Variants in GPX3 observed in about 807,000 individuals in gnomAD.
The protein encoded by GPX3 is glutathione peroxidase 3, also known as GPx-3.
GPX3 carries 22 observed loss-of-function variants against 25.1 expected under a neutral mutation model. The ratio of observed to expected loss-of-function variants is 0.88; its 90% confidence interval spans 0.63 to 1.25. The LOEUF (loss-of-function observed/expected upper bound fraction) is 1.25, where lower values mean the gene tolerates loss of function less well. GPX3 is among the 50% of genes most tolerant of loss of function. GPX3 has a pLI of 0.00. For missense variants in GPX3, 278 were observed against 286.6 expected (o/e 0.97, Z 0.22); for synonymous variants, 110 against 114.5 (o/e 0.96, Z 0.25).
intron 2 of GPX3, 88 bp downstream of exon 2, chr5:151,025,581 G>A (rs1483759980): frequency 9.2e-6 from 11 of 1,193,750 alleles, no homozygotes; most frequent in Non-Finnish European, 1.3e-5. Context: ...GGGGGAAAGG[G>A]TGATGGCAAT....
chr5:151,023,836 AC>A (rs1191127137), intron 1 of GPX3, among the ~76,000 whole-genome samples: 1 of 152,064 alleles, frequency 6.6e-6, no homozygotes, highest in Non-Finnish European at 1.5e-5. Context: ...GGAATATTAG[AC>A]TCATGTAAAG....
chr5:151,026,016 A>G (rs1356610531), intron 2 of GPX3, among the ~76,000 whole-genome samples: 2 of 151,918 alleles, frequency 1.3e-5, no homozygotes, highest in Non-Finnish European at 2.9e-5. Context: ...CCTCTTCTCA[A>G]TCTACACATG....
Position 151,025,451 on chromosome 5 carries a change from G to C in GPX3, c.199G>C (p.Val67Leu). ...KQYAGKYVLF[V>L]NVASYUGLTG... ...GTATGCTGGCAAATACGTCCTCTTTGTCAACGTGGCCAGCTACTGAGGCCT... is the reference window on the plus strand; with the variant it reads ...GTATGCTGGCAAATACGTCCTCTTTCTCAACGTGGCCAGCTACTGAGGCCT... Residue 67 changes from valine to leucine, a missense_variant, in exon 2 of 5, where the codon GTC (valine) becomes CTC (leucine). Physicochemically the swap from Val to Leu is conservative, Grantham distance 32. Coordinates refer to ENST00000388825, the MANE Select transcript of GPX3 (RefSeq NM_002084.5). 6.2e-7 allele frequency: 1 copy of C among 1,612,270 alleles called. No homozygotes were observed. Among genetic ancestry groups the C allele is most frequent in the Non-Finnish European group, 8.5e-7 (1 of 1,179,180 alleles).
At chr5:151,022,443 A>T (rs1431695525) in intron 1 of GPX3, among the ~76,000 whole-genome samples, 1 of 152,192 alleles carries the variant, frequency 6.6e-6, no homozygotes, top group Non-Finnish European at 1.5e-5. Flanking sequence ...CTTGCTGGCT[A>T]ATGAAAGCCT....
chr5:151,020,628 C>A lies in GPX3; in HGVS notation c.-27C>A, dbSNP rs564914035. 6.4e-5 allele frequency: 101 copies of A among 1,581,316 alleles called. No individual in the cohort carries two copies. The South Asian group carries it at 1.0e-3, about 16-fold the overall frequency. On this transcript the variant is annotated 5_prime_UTR_variant, in exon 1 of 5. Transcript: ENST00000388825. The stretch of plus-strand genomic sequence containing the variant: ...GCCAGGGATCAGGCAGCGGCTCAGG[C>A]GACCCTGAGTGTGCCCCCACCCCGC...
At chr5:151,025,601 C>T (rs1487326995) in intron 2 of GPX3, 108 bp downstream of exon 2, 1 of 962,456 alleles carries the variant, frequency 1.0e-6, no homozygotes, top group Non-Finnish European at 1.5e-6. Flanking sequence ...TCACGAGAGT[C>T]CAAGCCCCTT....
At chr5:151,022,404 G>A (rs1283624139) in intron 1 of GPX3, among the ~76,000 whole-genome samples, 1 of 152,190 alleles carries the variant, frequency 6.6e-6, no homozygotes, top group African/African-American at 2.4e-5. Context: ...AGGGTGAGGT[G>A]TGATCATATC....
At chr5:151,023,300 C>G (rs1356660864) in intron 1 of GPX3, among the ~76,000 whole-genome samples, 1 of 152,162 alleles carries the variant, frequency 6.6e-6, no homozygotes, top group Non-Finnish European at 1.5e-5. Context: ...CACCTTCTGA[C>G]CCCCACTATC....
intron 2 of GPX3, among the ~76,000 whole-genome samples, chr5:151,026,089 A>G (rs1418532769): frequency 6.6e-6 from 1 of 152,080 alleles, no homozygotes; most frequent in Non-Finnish European, 1.5e-5. Context: ...TAGCGGTGGA[A>G]TGGGGCATTT....
Position 151,028,294 on chromosome 5 carries a change from C to T in GPX3, c.*164C>T. On this transcript the variant is annotated 3_prime_UTR_variant, in exon 5 of 5. Coordinates refer to ENST00000388825, the MANE Select transcript of GPX3 (RefSeq NM_002084.5). ...GCATACAGTTCTGTGTACTGCCAGG[C>T]ATGTGGGTGTGGGTGCATGTGGGTG... 1.5e-6 allele frequency: 1 copy of T among 653,718 alleles called. No homozygotes were observed. Among genetic ancestry groups the T allele is most frequent in the Non-Finnish European group, 2.7e-6 (1 of 373,146 alleles). The allele number at this position is 653,718 out of a possible 1,614,324, so 40.5% of individuals were successfully genotyped here.
intron 1 of GPX3, among the ~76,000 whole-genome samples, chr5:151,022,027 G>A (rs1297334637): frequency 6.6e-6 from 1 of 152,156 alleles, no homozygotes; most frequent in Admixed American, 6.5e-5. Context: ...GCCTAAATCC[G>A]ATTAATCAGC....
intron 3 of GPX3, 142 bp downstream of exon 3, chr5:151,027,159 A>G: frequency 1.5e-6 from 1 of 672,540 alleles, no homozygotes; most frequent in South Asian, 1.8e-5. Context: ...AGGGAAGGGA[A>G]GGGACAAGAG....
intron 1 of GPX3, among the ~76,000 whole-genome samples, chr5:151,023,100 G>A (rs1756500348): frequency 6.6e-6 from 1 of 152,112 alleles, no homozygotes; most frequent in South Asian, 2.1e-4. Flanking sequence ...CAAGCCATTG[G>A]AACCCTCTTC....
chr5:151,028,612 C>T lies in GPX3; in HGVS notation c.*482C>T, dbSNP rs555700211. 5 of 165,954 alleles carry T rather than the reference C, an allele frequency of 3.0e-5. 1 individual carries two copies. In the South Asian group the frequency reaches 7.2e-4, roughly 24 times the overall value. 10.3% of individuals were successfully genotyped at this position (165,954 alleles called of 1,614,324 possible). On this transcript the variant is annotated 3_prime_UTR_variant, in exon 5 of 5. Transcript: ENST00000388825. Reference sequence around the variant, plus strand: ...TCCAAATATTAGTAACTATGACTGACGTCCCCAGAAGTTTCTGGGTCTACC... The same window carrying T: ...TCCAAATATTAGTAACTATGACTGATGTCCCCAGAAGTTTCTGGGTCTACC...
At chr5:151,025,249 T>A in intron 1 of GPX3, 91 bp from the exon 2 acceptor site, 1 of 1,056,728 alleles carries the variant, frequency 9.5e-7, no homozygotes. Flanking sequence ...AGAAAGTCAC[T>A]CTCTCTGTTG....
chr5:151,028,081 T>C lies in GPX3; in HGVS notation c.632T>C (p.Ile211Thr). 1 of 1,609,216 alleles carries C rather than the reference T, an allele frequency of 6.2e-7. No homozygotes were observed. Among genetic ancestry groups the C allele is most frequent in the Non-Finnish European group, 8.5e-7 (1 of 1,177,624 alleles). Residue 211 changes from isoleucine to threonine, a missense_variant, in exon 5 of 5, where the codon ATC becomes ACC. By Grantham distance (89) the Ile-to-Thr change is moderately conservative. Coordinates refer to ENST00000388825, the MANE Select transcript of GPX3 (RefSeq NM_002084.5). ...ACGGTCAGCAACGTCAAGATGGACA[T>C]CCTGTCCTACATGAGGCGGCAGGCA... is the stretch of plus-strand genomic sequence containing the variant. ...RTTVSNVKMD[I>T]LSYMRRQAAL...
intron 2 of GPX3, among the ~76,000 whole-genome samples, chr5:151,026,078 T>C (rs745525822): frequency 2.0e-4 from 30 of 152,212 alleles, no homozygotes; most frequent in Admixed American, 3.3e-4. Context: ...CACAAAGCTA[T>C]TAGCGGTGGA....
Position 151,025,427 on chromosome 5 carries a change from T to G in GPX3, c.175T>G (p.Tyr59Asp). 6.2e-7 allele frequency: 1 copy of G among 1,613,020 alleles called. No homozygotes were observed. Among genetic ancestry groups the G allele is most frequent in the Non-Finnish European group, 8.5e-7 (1 of 1,179,468 alleles). Reference protein sequence around the residue: ...DGEEYIPFKQYAGKYVLFVNV... With the variant: ...DGEEYIPFKQDAGKYVLFVNV... ...GGAGGAGTACATCCCCTTCAAGCAG[T>G]ATGCTGGCAAATACGTCCTCTTTGT... Residue 59 changes from tyrosine to aspartate, a missense_variant, in exon 2 of 5, where the codon TAT (tyrosine) becomes GAT (aspartate). Transcript: ENST00000388825.
At chr5:151,022,330 A>C (rs3792797) in intron 1 of GPX3, among the ~76,000 whole-genome samples, 109,563 of 152,088 alleles carry the variant, frequency 0.72, 41,661 homozygotes, top group East Asian at 0.93. Flanking sequence ...TCTTCTCTGC[A>C]GCACTCTGGG....
Sources: gnomAD v4.1 joint callset for allele counts (sites outside exome capture counted in the v4.1 genomes callset) on GRCh38, gnomAD v4.1.1 for gene constraint, MANE v1.5 for transcripts, NCBI Gene and HGNC (gene_info 2026-07-23, HGNC 2026-07-21) for gene names.